ANK2: variants seen among roughly 807,000 people sequenced by gnomAD.
ANK2 encodes the protein ankyrin-2.
In ANK2, 83 loss-of-function variants were observed where a neutral mutation model predicts 360.5. The ratio of observed to expected loss-of-function variants is 0.23; its 90% CI spans 0.19 to 0.28. The LOEUF (loss-of-function observed/expected upper bound fraction) is 0.28. Ranked by LOEUF, ANK2 falls within the 10% of genes least tolerant of loss-of-function variation. The pLI, the probability that ANK2 is intolerant of heterozygous loss-of-function variation, is 1.00. For synonymous variants in ANK2, 1,740 were observed against 1,759.5 expected, an observed-to-expected ratio of 0.99 and a Z score of 0.28; for missense variants, 4,201 against 4,795.7, an observed-to-expected ratio of 0.88 and a Z score of 3.66.
At chr4:113,099,892 A>G (rs1166861420) in intron 1 of ANK2, among the ~76,000 whole-genome samples, 2 of 152,054 alleles carry the variant, frequency 1.3e-5, no homozygotes, top group Non-Finnish European at 2.9e-5. Context: ...TTTTCAACAA[A>G]TGGTGCTGGA....
At chr4:113,296,296 A>T (rs1284379678) in intron 22 of ANK2, among the ~76,000 whole-genome samples, 5 of 152,212 alleles carry the variant, frequency 3.3e-5, no homozygotes, top group Non-Finnish European at 1.5e-5. Context: ...ATCTACAGTC[A>T]CAAAAATAAT....
At chr4:113,065,226 C>A in intron 1 of ANK2, among the ~76,000 whole-genome samples, 1 of 150,396 alleles carries the variant, frequency 6.6e-6, no homozygotes, top group East Asian at 2.0e-4. Flanking sequence ...TTAGAAAGTT[C>A]TGTAGAACTT....
intron 2 of ANK2, among the ~76,000 whole-genome samples, chr4:112,960,803 T>C (rs2034408664): frequency 6.6e-6 from 1 of 152,182 alleles, no homozygotes; most frequent in Non-Finnish European, 1.5e-5. Context: ...AGTTTCCTCA[T>C]CTGCCTTTCC....
the ANK2 span, among the ~76,000 whole-genome samples, chr4:112,709,352 C>T: frequency 1.6e-4 from 24 of 152,286 alleles, no homozygotes; most frequent in South Asian, 4.6e-3. Flanking sequence ...AATAGTTTGT[C>T]TGTATATGTC....
chr4:113,285,253 T>C (rs1014493310), intron 18 of ANK2, among the ~76,000 whole-genome samples: 6 of 151,946 alleles, frequency 3.9e-5, no homozygotes, highest in African/African-American at 1.2e-4. Flanking sequence ...GGAGAGGTTT[T>C]CCCCACATAC....
the ANK2 span, among the ~76,000 whole-genome samples, chr4:112,725,546 A>C: frequency 1.3e-5 from 2 of 151,296 alleles, no homozygotes; most frequent in Non-Finnish European, 2.9e-5. Flanking sequence ...TTTTAGTAGA[A>C]ACAGGGTTTC....
At chr4:113,000,596 G>T (rs1304846754) in intron 2 of ANK2, among the ~76,000 whole-genome samples, 1 of 152,122 alleles carries the variant, frequency 6.6e-6, no homozygotes, top group Non-Finnish European at 1.5e-5. Context: ...TGAGTTACAA[G>T]TTTTCCAGTG....
intron 1 of ANK2, among the ~76,000 whole-genome samples, chr4:112,894,687 T>TTA (rs944842721): frequency 7.9e-5 from 12 of 152,314 alleles, no homozygotes; most frequent in African/African-American, 2.9e-4. Context: ...GAGCATGGTG[T>TTA]TATTTGTATT....
chr4:112,767,605 C>T, the ANK2 span, among the ~76,000 whole-genome samples: 23 of 106,268 alleles, frequency 2.2e-4, no homozygotes, highest in African/African-American at 8.7e-4. Flanking sequence ...AATAATAAAA[C>T]ATGGTGCAGA....
intron 1 of ANK2, among the ~76,000 whole-genome samples, chr4:112,893,248 A>G (rs1392993124): frequency 1.3e-5 from 2 of 152,144 alleles, no homozygotes; most frequent in Non-Finnish European, 2.9e-5. Flanking sequence ...CAACTTCCCA[A>G]ACCCAAGAGA....
chr4:112,744,842 C>T, the ANK2 span, among the ~76,000 whole-genome samples: 3 of 152,172 alleles, frequency 2.0e-5, no homozygotes, highest in Non-Finnish European at 4.4e-5. Flanking sequence ...CCAATATAAT[C>T]GTCAAAAAGC....
chr4:113,285,344 G>A (rs1563426218), intron 18 of ANK2, among the ~76,000 whole-genome samples: 3 of 152,008 alleles, frequency 2.0e-5, no homozygotes, highest in Non-Finnish European at 4.4e-5. Flanking sequence ...CCCTTCAGTT[G>A]AGGGCTCAGT....
At chr4:112,722,544 A>ATCC in the ANK2 span, among the ~76,000 whole-genome samples, 2 of 152,110 alleles carry the variant, frequency 1.3e-5, no homozygotes, top group Non-Finnish European at 2.9e-5. Flanking sequence ...ACCTTCTCTG[A>ATCC]TCCTTCTACT....
chr4:113,300,020 TATAATTTA>T (rs2074132521), intron 22 of ANK2, among the ~76,000 whole-genome samples: 1 of 152,090 alleles, frequency 6.6e-6, no homozygotes, highest in African/African-American at 2.4e-5. Flanking sequence ...GAATATGGGC[TATAATTTA>T]TTGGTGTTAA....
In ANK2 at chr4:113,117,455, G is replaced by C. The variant is rs950428407; in HGVS notation, c.85-56961G>C. 24 of 455,724 alleles carry C rather than the reference G, an allele frequency of 5.3e-5. 1 individual carries two copies. The highest frequency in any genetic ancestry group is 3.2e-4 in the African/African-American group (16 of 50,050). The allele number at this position is 455,724 out of a possible 1,614,324, so 28.2% of individuals were successfully genotyped here. On this transcript the variant is annotated intron_variant, in intron 1 of 45. Coordinates refer to ENST00000357077, the MANE Select transcript of ANK2 (RefSeq NM_001148.6). ...ATCCTTTTAACCCTCTTTCTCTGCA[G>C]CTCTGTGTAGCACCATCAGCCTCAG...
intron 2 of ANK2, among the ~76,000 whole-genome samples, chr4:113,179,160 T>A (rs2098327517): frequency 6.6e-6 from 1 of 152,186 alleles, no homozygotes; most frequent in Admixed American, 6.5e-5. Context: ...CTATTGCTAT[T>A]TCTAAGTATA....
chr4:113,062,943 T>G (rs1204796569), intron 1 of ANK2, among the ~76,000 whole-genome samples: 1 of 152,158 alleles, frequency 6.6e-6, no homozygotes, highest in Non-Finnish European at 1.5e-5. Context: ...CAAGGAATTA[T>G]GTCTGTTGAC....
intron 14 of ANK2, among the ~76,000 whole-genome samples, chr4:113,274,090 T>G (rs1180109040): frequency 6.6e-6 from 1 of 152,218 alleles, no homozygotes. Context: ...TGAAAACTCT[T>G]GGATGAGAAT....
At chr4:112,940,994 A>C (rs531434289) in intron 2 of ANK2, among the ~76,000 whole-genome samples, 109 of 152,214 alleles carry the variant, frequency 7.2e-4, no homozygotes, top group Non-Finnish European at 1.1e-3. Flanking sequence ...TGTTGATAAG[A>C]TTCTGGCATT....
Sources: allele counts gnomAD v4.1 joint callset (sites outside exome capture counted in the v4.1 genomes callset), GRCh38; gene constraint gnomAD v4.1.1; transcripts MANE v1.5; gene names NCBI Gene and HGNC (gene_info 2026-07-23, HGNC 2026-07-21).